The following KLHL13 variants were observed in gnomAD, a reference collection of about 807,000 sequenced individuals.
KLHL13 encodes kelch like family member 13.
KLHL13 carries 10 observed loss-of-function variants against 37.1 expected under a neutral mutation model. The ratio of observed to expected loss-of-function variants is 0.27; its 90% CI spans 0.17 to 0.46. KLHL13 has a LOEUF of 0.46. Among genes scored for constraint, KLHL13 ranks in the 20% least tolerant of loss-of-function variants. KLHL13 has a pLI of 1.00. For missense variants in KLHL13, 360 were observed against 509.3 expected (o/e 0.71, Z 2.82); for synonymous variants, 163 against 181.2 (o/e 0.90, Z 0.81).
chrX:117,982,499 G>A (rs772697736), intron 1 of KLHL13, among the ~76,000 whole-genome samples: 3 of 111,334 alleles, frequency 2.7e-5, no homozygotes, highest in East Asian at 2.8e-4. Flanking sequence ...CACTGCCCTG[G>A]TTAATATGGT....
chrX:117,927,356 G>A (rs1932129061), intron 2 of KLHL13, among the ~76,000 whole-genome samples: 1 of 112,178 alleles, frequency 8.9e-6, no homozygotes, highest in Non-Finnish European at 1.9e-5. Flanking sequence ...AGTGGGGGTG[G>A]CAGATGCCTA....
intron 5 of KLHL13, among the ~76,000 whole-genome samples, chrX:117,905,491 G>A (rs760139068): frequency 2.3e-4 from 24 of 104,774 alleles, no homozygotes; most frequent in South Asian, 2.0e-3. Context: ...AGGTGAGCAC[G>A]TGTGCTAGTG....
At chrX:117,980,307 A>G (rs1271547087) in intron 1 of KLHL13, among the ~76,000 whole-genome samples, 4 of 112,063 alleles carry the variant, frequency 3.6e-5, no homozygotes, top group African/African-American at 1.3e-4. Context: ...AACATTTGCC[A>G]TATTCTATAT....
At chrX:117,921,372 A>G (rs1569415693) in intron 2 of KLHL13, among the ~76,000 whole-genome samples, 1 of 112,131 alleles carries the variant, frequency 8.9e-6, no homozygotes, top group East Asian at 2.8e-4. Flanking sequence ...CAAATTATAT[A>G]TAATGTTTAT....
chrX:118,090,077 T>A (rs1368706624), intron 1 of KLHL13, among the ~76,000 whole-genome samples: 1 of 29,748 alleles, frequency 3.4e-5, no homozygotes, highest in African/African-American at 9.2e-5. Context: ...CAAGACTCTG[T>A]CTCAAAAAAA....
intron 1 of KLHL13, among the ~76,000 whole-genome samples, chrX:117,962,577 T>C: frequency 9.0e-6 from 1 of 111,629 alleles, no homozygotes; most frequent in East Asian, 2.8e-4. Context: ...GTAAAGATAA[T>C]TGCCTCAATA....
intron 1 of KLHL13, among the ~76,000 whole-genome samples, chrX:117,987,024 GAACA>G (rs2053734611): frequency 9.0e-6 from 1 of 111,035 alleles, no homozygotes; most frequent in Non-Finnish European, 1.9e-5. Flanking sequence ...GCCTGAAAAG[GAACA>G]AACATGAATT....
chrX:118,114,593 G>A (rs1009100040), intron 1 of KLHL13, among the ~76,000 whole-genome samples: 1 of 111,915 alleles, frequency 8.9e-6, no homozygotes. Context: ...AGTTTGCTAA[G>A]AAAATTACAG....
At chrX:117,900,918 A>C (rs1437774011) in intron 6 of KLHL13, among the ~76,000 whole-genome samples, 1 of 112,167 alleles carries the variant, frequency 8.9e-6, no homozygotes, top group Non-Finnish European at 1.9e-5. Context: ...CATTAAAAAA[A>C]GAAAGAAATT....
intron 2 of KLHL13, among the ~76,000 whole-genome samples, chrX:117,937,109 G>T (rs772329427): frequency 9.0e-6 from 1 of 111,503 alleles, no homozygotes; most frequent in African/African-American, 3.3e-5. Flanking sequence ...TTTTGAAGCC[G>T]GAGTATGTGT....
At chrX:117,922,888 C>T (rs938480754) in intron 2 of KLHL13, among the ~76,000 whole-genome samples, 33 of 111,550 alleles carry the variant, frequency 3.0e-4, no homozygotes, top group African/African-American at 1.1e-3. Flanking sequence ...TACTTCAAGA[C>T]CTCATTCTCT....
chrX:117,909,752 G>A (rs1304903650), exon 5 of KLHL13: 2 of 1,211,456 alleles, frequency 1.7e-6, no homozygotes, highest in East Asian at 3.0e-5. Context: ...CACAAGTATT[G>A]TCAGTTCTCA....
At chrX:118,011,943 G>C (rs888598180) in intron 1 of KLHL13, among the ~76,000 whole-genome samples, 1 of 112,273 alleles carries the variant, frequency 8.9e-6, no homozygotes, top group African/African-American at 3.2e-5. Context: ...GAAAAATATA[G>C]ATAAATATTT....
At chrX:117,955,832 T>C (rs763182739) in intron 1 of KLHL13, among the ~76,000 whole-genome samples, 9 of 111,762 alleles carry the variant, frequency 8.1e-5, no homozygotes, top group Admixed American at 6.7e-4. Context: ...ATGCTTCCCA[T>C]AAAGAAACAT....
chrX:117,936,176 G>A (rs1482927817), intron 2 of KLHL13, among the ~76,000 whole-genome samples: 3 of 111,460 alleles, frequency 2.7e-5, no homozygotes, highest in Non-Finnish European at 5.7e-5. Context: ...AGTAGCCAAG[G>A]AGTGAGGGAA....
intron 2 of KLHL13, among the ~76,000 whole-genome samples, chrX:117,923,146 G>A (rs1380445298): frequency 8.9e-6 from 1 of 112,001 alleles, no homozygotes; most frequent in African/African-American, 3.2e-5. Flanking sequence ...AAATTCTGCA[G>A]TTATAAGCAA....
At chrX:118,084,417 T>C (rs773812400) in intron 1 of KLHL13, among the ~76,000 whole-genome samples, 1 of 111,969 alleles carries the variant, frequency 8.9e-6, no homozygotes, top group East Asian at 2.8e-4. Flanking sequence ...ATGAATATAT[T>C]AGAAATAAAA....
chrX:117,925,608 G>A (rs1931964838), intron 2 of KLHL13, among the ~76,000 whole-genome samples: 1 of 111,804 alleles, frequency 8.9e-6, no homozygotes, highest in Non-Finnish European at 1.9e-5. Flanking sequence ...TTTAAACTCT[G>A]TGCTCATTAT....
chrX:118,019,299 A>G (rs764135504), intron 1 of KLHL13, among the ~76,000 whole-genome samples: 1 of 111,362 alleles, frequency 9.0e-6, no homozygotes, highest in Admixed American at 9.6e-5. Context: ...TCTTTTGAGA[A>G]GTGTCTGTTC....
Sources: allele counts gnomAD v4.1 joint callset (sites outside exome capture counted in the v4.1 genomes callset), GRCh38; gene constraint gnomAD v4.1.1; transcripts MANE v1.5; gene names NCBI Gene and HGNC (gene_info 2026-07-23, HGNC 2026-07-21).